The following ARFGEF3 variants were observed in gnomAD, a reference collection of about 807,000 sequenced individuals.
The protein encoded by ARFGEF3 is ARFGEF family member 3, also known as brefeldin A-inhibited guanine nucleotide-exchange protein 3.
ARFGEF3 carries 96 observed loss-of-function variants against 221.7 expected under a neutral mutation model. That is an observed-to-expected ratio of 0.43 (90% CI 0.37 to 0.51). The LOEUF is 0.51. ARFGEF3 is among the 20% of genes least tolerant of loss of function. ARFGEF3 has a pLI of 0.00. For synonymous variants in ARFGEF3, 1,145 were observed against 1,126.8 expected (o/e 1.02, Z -0.32); for missense variants, 2,410 against 2,789.9 (o/e 0.86, Z 3.07).
chr6:138,182,194 T>C (rs1777090052), intron 2 of ARFGEF3, among the ~76,000 whole-genome samples: 1 of 152,232 alleles, frequency 6.6e-6, no homozygotes, highest in Non-Finnish European at 1.5e-5. Flanking sequence ...GAGCCAGGGC[T>C]GCTGGACTCC....
At chr6:138,257,945 GGAAGA>G (rs1180942676) in intron 10 of ARFGEF3, among the ~76,000 whole-genome samples, 1 of 152,194 alleles carries the variant, frequency 6.6e-6, no homozygotes, top group African/African-American at 2.4e-5. Context: ...GCTATTCTAA[GGAAGA>G]GAAAACACAT....
chr6:138,269,236 C>G (rs571123214), intron 12 of ARFGEF3, among the ~76,000 whole-genome samples: 2 of 152,378 alleles, frequency 1.3e-5, no homozygotes, highest in Middle Eastern at 3.4e-3. Context: ...TCTGCCTCAC[C>G]GCTTCTTCCC....
At chr6:138,254,848 A>G (rs1424963726) in intron 9 of ARFGEF3, among the ~76,000 whole-genome samples, 3 of 152,236 alleles carry the variant, frequency 2.0e-5, no homozygotes, top group Admixed American at 6.5e-5. Flanking sequence ...TCATAGGATC[A>G]TGAGAGACCA....
In ARFGEF3 at chr6:138,306,263, C is replaced by T. The variant is rs203144; in HGVS notation, c.3829-990C>T. ...TTATGAGTAAATTTAGCAAAAGAAG[C>T]TCAAGACCTGTACACAAAAGCTACA... On this transcript the variant is annotated intron_variant, in intron 22 of 33. Transcript: ENST00000251691. Among the ~76,000 whole-genome samples, 293 of 152,116 alleles carry T rather than the reference C, an allele frequency of 1.9e-3. 2 individuals are homozygous for T. The highest frequency in any genetic ancestry group is 3.4e-3 in the Non-Finnish European group (232 of 67,958).
intron 23 of ARFGEF3, among the ~76,000 whole-genome samples, chr6:138,308,016 A>G (rs1257232959): frequency 6.6e-6 from 1 of 152,232 alleles, no homozygotes; most frequent in South Asian, 2.1e-4. Context: ...CCCTCCCAGG[A>G]GGGATCACAC....
intron 12 of ARFGEF3, among the ~76,000 whole-genome samples, chr6:138,275,687 T>G (rs1171831117): frequency 6.6e-6 from 1 of 150,554 alleles, no homozygotes; most frequent in Non-Finnish European, 1.5e-5. Context: ...GAGGTTGCTG[T>G]GAGCCAAGAT....
At position 138,194,316 on chromosome 6, in the gene ARFGEF3, C is replaced by A. The variant is rs542862659; in HGVS notation, c.138-12726C>A. Among the ~76,000 whole-genome samples, 20 of 151,178 alleles carry A rather than the reference C, an allele frequency of 1.3e-4. No individual in the cohort carries two copies. In the South Asian group the frequency reaches 4.2e-3, roughly 32 times the overall value. Reference sequence around the variant, plus strand: ...GTGATGGTATTTTCCCACTACTTTTCTCTTGTTCCATAAAATTAAAGTGTT... The same window carrying A: ...GTGATGGTATTTTCCCACTACTTTTATCTTGTTCCATAAAATTAAAGTGTT... On this transcript the variant is annotated intron_variant, in intron 2 of 33. Transcript: ENST00000251691.
intron 14 of ARFGEF3, among the ~76,000 whole-genome samples, chr6:138,282,925 C>G (rs1187098649): frequency 6.6e-6 from 1 of 152,090 alleles, no homozygotes; most frequent in Non-Finnish European, 1.5e-5. Flanking sequence ...TTGACCAGCA[C>G]TTGTAGTCCC....
intron 2 of ARFGEF3, among the ~76,000 whole-genome samples, chr6:138,184,220 A>C (rs980500): frequency 0.99 from 150,609 of 152,272 alleles, 74,490 homozygotes; most frequent in Middle Eastern, 1. Flanking sequence ...AAATGATATA[A>C]TTTTAATGAA....
At position 138,255,624 on chromosome 6, in the gene ARFGEF3, G is replaced by A. The variant is rs750706308; in HGVS notation, c.959G>A (p.Arg320Gln). The change falls in exon 10 of 34, where the codon CGG becomes CAG. Residue 320 changes from arginine to glutamine, a missense_variant. Physicochemically the swap from Arg to Gln is conservative, Grantham distance 43 (BLOSUM62 1). Coordinates refer to ENST00000251691, the MANE Select transcript of ARFGEF3 (RefSeq NM_020340.5). Reference sequence around the variant, plus strand: ...CCGGCCCTGAGCGGACCTGTGGCTCGGACTATCTATTACATCGCAGCCGAG... The same window carrying A: ...CCGGCCCTGAGCGGACCTGTGGCTCAGACTATCTATTACATCGCAGCCGAG... ...TAPALSGPVA[R>Q]TIYYIAAELV... 3.7e-6 allele frequency: 6 copies of A among 1,613,896 alleles called. No individual in the cohort carries two copies. The highest frequency in any genetic ancestry group is 1.1e-5 in the South Asian group (1 of 91,078).
intron 1 of ARFGEF3, among the ~76,000 whole-genome samples, chr6:138,164,303 C>T (rs1008987873): frequency 2.6e-5 from 4 of 152,220 alleles, no homozygotes; most frequent in Non-Finnish European, 4.4e-5. Context: ...GTTCTTGTCA[C>T]TCCCCAACCA....
chr6:138,276,915 C>G (rs530496108), intron 12 of ARFGEF3, among the ~76,000 whole-genome samples: 1 of 152,328 alleles, frequency 6.6e-6, no homozygotes, highest in African/African-American at 2.4e-5. Flanking sequence ...ATCTGCCTGC[C>G]TTGGCCTCCA....
intron 22 of ARFGEF3, among the ~76,000 whole-genome samples, chr6:138,299,432 G>A (rs1280805750): frequency 6.6e-6 from 1 of 152,100 alleles, no homozygotes; most frequent in African/African-American, 2.4e-5. Flanking sequence ...CTGCCATACT[G>A]TCTACTGAAG....
rs1164669062 is a variant in ARFGEF3 at position 138,342,410 on chromosome 6, T to C, written c.*5924T>C. 1.3e-5 allele frequency: 2 copies of C among 152,200 alleles called. No homozygotes were observed. Among genetic ancestry groups the C allele is most frequent in the East Asian group, 3.8e-4 (2 of 5,200 alleles). The allele number at this position is 152,200 out of a possible 1,614,324, so 9.4% of individuals were successfully genotyped here. A position where few individuals can be genotyped will look rare whatever the true frequency, so the allele number is the denominator to read the frequency against. ...CTACCCTTGGGCAGATGACTTGGGATTGGATTCTATACAGCAGTCTTGCTC... is the reference window on the plus strand; with the variant it reads ...CTACCCTTGGGCAGATGACTTGGGACTGGATTCTATACAGCAGTCTTGCTC... On this transcript the variant is annotated 3_prime_UTR_variant, in exon 34 of 34. Coordinates refer to ENST00000251691, the MANE Select transcript of ARFGEF3 (RefSeq NM_020340.5).
chr6:138,278,564 C>T lies in ARFGEF3; in HGVS notation c.2242C>T (p.Leu748Phe). ...CTGCGCCCTGCTCCTCAACCTGAAG[C>T]TCTCCCACGGTGACTACTACAGGAA... Reference protein sequence around the residue: ...AHCALLLNLKLSHGDYYRKRP... With the variant: ...AHCALLLNLKFSHGDYYRKRP... Residue 748 changes from leucine (L) to phenylalanine (F), a missense_variant, in exon 13 of 34, where the codon CTC becomes TTC. Physicochemically the swap from Leu to Phe is conservative, Grantham distance 22. Transcript: ENST00000251691. The T allele has an allele frequency of 6.2e-6, 10 of 1,613,966 alleles. No individual in the cohort carries two copies. Among genetic ancestry groups the T allele is most frequent in the Non-Finnish European group, 8.5e-6 (10 of 1,179,884 alleles).
At chr6:138,267,125 C>CT (rs11381823) in intron 12 of ARFGEF3, among the ~76,000 whole-genome samples, 46,872 of 152,026 alleles carry the variant, frequency 0.31, 7,462 homozygotes, top group South Asian at 0.49. Context: ...TAATGATGGC[C>CT]TTGAGCCATC....
At chr6:138,287,826 A>G (rs775519257) in intron 17 of ARFGEF3, among the ~76,000 whole-genome samples, 16 of 152,218 alleles carry the variant, frequency 1.1e-4, no homozygotes, top group Non-Finnish European at 1.9e-4. Flanking sequence ...AGATATGTAC[A>G]GTAACAAGTC....
At chr6:138,219,715 G>T (rs541557738) in intron 4 of ARFGEF3, among the ~76,000 whole-genome samples, 1 of 152,202 alleles carries the variant, frequency 6.6e-6, no homozygotes, top group East Asian at 1.9e-4. Context: ...ATGGTCTTAC[G>T]GGACTAATTT....
rs751361379 is a variant in ARFGEF3, at chr6:138,335,019, G to A, written c.6173G>A (p.Gly2058Asp). ...AAAGGAGAGCCACTGGGTCCCAGGG[G>A]CCAGGACTCCCCGCTGCTTCAGCGT... ...EKKGEPLGPR[G>D]QDSPLLQRPQ... Residue 2058 changes from glycine (G) to aspartate (D), a missense_variant, in exon 33 of 34, where the codon GGC becomes GAC. By Grantham distance (94) the Gly-to-Asp change is moderately conservative. Coordinates refer to ENST00000251691, the MANE Select transcript of ARFGEF3 (RefSeq NM_020340.5). 1.9e-6 allele frequency: 3 copies of A among 1,591,604 alleles called. No individual in the cohort carries two copies. Among genetic ancestry groups the A allele is most frequent in the South Asian group, 1.2e-5 (1 of 86,944 alleles).
Sources: gnomAD v4.1 joint callset for allele counts (sites outside exome capture counted in the v4.1 genomes callset) on GRCh38, gnomAD v4.1.1 for gene constraint, MANE v1.5 for transcripts, NCBI Gene and HGNC (gene_info 2026-07-23, HGNC 2026-07-21) for gene names.